Variants in PTPDC1 observed in about 807,000 individuals in gnomAD.
The protein encoded by PTPDC1 is protein tyrosine phosphatase domain-containing protein 1.
Under a neutral mutation model 75.3 loss-of-function variants are expected in PTPDC1, and 53 were observed. That is an observed-to-expected ratio of 0.70 (90% confidence interval 0.56 to 0.88). PTPDC1 has a LOEUF of 0.88. PTPDC1 is among the 40% of genes least tolerant of loss of function. PTPDC1 has a pLI of 0.00. For missense variants in PTPDC1, 925 were observed against 998.6 expected (o/e 0.93, Z 0.99); for synonymous variants, 349 against 366.2 (o/e 0.95, Z 0.54).
intron 6 of PTPDC1, among the ~76,000 whole-genome samples, chr9:94,098,877 G>A (rs1827730183): frequency 6.6e-6 from 1 of 152,188 alleles, no homozygotes; most frequent in Non-Finnish European, 1.5e-5. Flanking sequence ...GGGGCAACTG[G>A]CCCACAGCAG....
At position 94,094,680 on chromosome 9, in the gene PTPDC1, C is replaced by T. The variant is rs1407685296; in HGVS notation, c.617-637C>T. ...GGCGGGCACCCCTCCCCCAGCCTTG[C>T]TGCCGCCTTGCAGTTTGATCTCAGA... On this transcript the variant is annotated intron_variant, in intron 4 of 8. Coordinates refer to ENST00000620992, the MANE Select transcript of PTPDC1 (RefSeq NM_001253829.2). Among the ~76,000 whole-genome samples the T allele has an allele frequency of 2.0e-5, 3 of 152,346 alleles. No homozygotes were observed. The East Asian group carries it at 5.8e-4, about 29-fold the overall frequency.
intron 4 of PTPDC1, among the ~76,000 whole-genome samples, chr9:94,093,152 G>A (rs374697810): frequency 2.1e-4 from 32 of 152,130 alleles, no homozygotes; most frequent in Non-Finnish European, 2.8e-4. Flanking sequence ...TATTTTGCTC[G>A]TTAGTTGATG....
At chr9:94,056,451 G>A (rs1302528643) in intron 1 of PTPDC1, among the ~76,000 whole-genome samples, 1 of 152,188 alleles carries the variant, frequency 6.6e-6, no homozygotes, top group Admixed American at 6.5e-5. Flanking sequence ...ATGACCTAGA[G>A]TGTGAATTGA....
At chr9:94,081,344 T>C (rs1210642383), upstream of PTPDC1, among the ~76,000 whole-genome samples, 3 of 152,100 alleles carry the variant, frequency 2.0e-5, no homozygotes, top group East Asian at 5.8e-4. Flanking sequence ...TGACATTGAT[T>C]CAAAGTAAAA....
At chr9:94,071,747 G>A (rs1564020534) in intron 2 of PTPDC1, among the ~76,000 whole-genome samples, 1 of 152,174 alleles carries the variant, frequency 6.6e-6, no homozygotes, top group East Asian at 1.9e-4. Context: ...GATAGGACCT[G>A]TGACTTTAAA....
chr9:94,087,795 T>TA (rs1827130783), intron 2 of PTPDC1, 36 bp from the exon 3 acceptor site: 1 of 1,496,108 alleles, frequency 6.7e-7, no homozygotes, highest in Admixed American at 1.7e-5. Context: ...TTCCTAGGTT[T>TA]CAGCACATCT....
At chr9:94,055,437 A>G (rs1285060704) in intron 1 of PTPDC1, among the ~76,000 whole-genome samples, 2 of 152,244 alleles carry the variant, frequency 1.3e-5, no homozygotes, top group Non-Finnish European at 2.9e-5. Context: ...TAAACTTGGA[A>G]GCAACCAAGA....
chr9:94,087,756 AGGACTGGAACATCTCTTT>A, intron 2 of PTPDC1, 57 bp from the exon 3 acceptor site: 1 of 974,070 alleles, frequency 1.0e-6, no homozygotes, highest in Non-Finnish European at 1.6e-6. Flanking sequence ...ATCATCTCTC[AGGACTGGAACATCTCTTT>A]GGACTGGAAC....
At chr9:94,058,292 G>C (rs151155134) in intron 1 of PTPDC1, among the ~76,000 whole-genome samples, 1 of 152,164 alleles carries the variant, frequency 6.6e-6, no homozygotes, top group Non-Finnish European at 1.5e-5. Context: ...CTTTGGAGTA[G>C]GAATCCAAAG....
chr9:94,080,988 C>CTTTTTTTTTTTT (rs1254750314), upstream of PTPDC1, among the ~76,000 whole-genome samples: 2 of 127,556 alleles, frequency 1.6e-5, no homozygotes, highest in East Asian at 2.2e-4. Context: ...TTTTCTTTTT[C>CTTTTTTTTTTTT]TTTTTCTTTT....
rs575576777 is a variant in PTPDC1, at chr9:94,059,129, A to C, written c.-6-5605A>C. Among the ~76,000 whole-genome samples the C allele has an allele frequency of 6.4e-4, 97 of 152,354 alleles. 1 individual carries two copies. The highest frequency in any genetic ancestry group is 2.2e-3 in the African/African-American group (93 of 41,580). ...TCCATTTGACACTTATCCTTGCGAT[A>C]TCTTACTTAAAGCGTCACATAGTTT... On this transcript the variant is annotated intron_variant, in intron 1 of 9. Transcript: ENST00000375360.
chr9:94,056,458 T>C (rs1343593266), intron 1 of PTPDC1, among the ~76,000 whole-genome samples: 1 of 152,202 alleles, frequency 6.6e-6, no homozygotes, highest in Non-Finnish European at 1.5e-5. Flanking sequence ...AGAGTGTGAA[T>C]TGATAATACA....
intron 1 of PTPDC1, among the ~76,000 whole-genome samples, chr9:94,061,458 G>T (rs1420923822): frequency 6.6e-6 from 1 of 152,266 alleles, no homozygotes; most frequent in Non-Finnish European, 1.5e-5. Context: ...GGGACTCTGT[G>T]TAGGGGGTCC....
intron 1 of PTPDC1, 60 bp from the exon 2 acceptor site, chr9:94,085,191 C>A: frequency 6.9e-7 from 1 of 1,445,718 alleles, no homozygotes. Flanking sequence ...AGCTATTTCC[C>A]ATGTTACAAT....
intron 4 of PTPDC1, among the ~76,000 whole-genome samples, chr9:94,094,479 A>G (rs1827460971): frequency 6.6e-6 from 1 of 152,128 alleles, no homozygotes; most frequent in Non-Finnish European, 1.5e-5. Flanking sequence ...GCTCTTTTCA[A>G]AGCTGTCAGA....
chr9:94,059,082 GT>G (rs1826047594), intron 1 of PTPDC1, among the ~76,000 whole-genome samples: 1 of 152,124 alleles, frequency 6.6e-6, no homozygotes, highest in Non-Finnish European at 1.5e-5. Flanking sequence ...TTAAGCAACT[GT>G]TGGAGTGAAA....
At chr9:94,078,691 G>A (rs1395368259) in intron 2 of PTPDC1, among the ~76,000 whole-genome samples, 1 of 152,114 alleles carries the variant, frequency 6.6e-6, no homozygotes, top group Non-Finnish European at 1.5e-5. Context: ...TTTTCAGAGT[G>A]CATAATCTCT....
chr9:94,047,402 G>T (rs958206744), intron 1 of PTPDC1, among the ~76,000 whole-genome samples: 2 of 152,016 alleles, frequency 1.3e-5, no homozygotes, highest in African/African-American at 2.4e-5. Flanking sequence ...AGAATCTCTG[G>T]GACACATTCA....
At chr9:94,098,634 C>A (rs769861980) in intron 6 of PTPDC1, 55 bp downstream of exon 6, 8 of 1,391,160 alleles carry the variant, frequency 5.8e-6, no homozygotes, top group Non-Finnish European at 8.1e-6. Context: ...TATGTCAGGG[C>A]AAAAGTGTGA....
Sources: allele counts gnomAD v4.1 joint callset (sites outside exome capture counted in the v4.1 genomes callset), GRCh38; gene constraint gnomAD v4.1.1; transcripts MANE v1.5; gene names NCBI Gene and HGNC (gene_info 2026-07-23, HGNC 2026-07-21).